The following TM2D1 variants were observed in gnomAD, a reference collection of about 807,000 sequenced individuals.
TM2D1 encodes the protein TM2 domain containing 1.
TM2D1 carries 15 observed loss-of-function variants against 28.4 expected under a neutral mutation model. That is an observed-to-expected ratio of 0.53 (90% CI 0.35 to 0.81). The LOEUF (loss-of-function observed/expected upper bound fraction) is 0.81. TM2D1 is among the 40% of genes least tolerant of loss of function. TM2D1 has a pLI of 0.01. For synonymous variants in TM2D1, 93 were observed against 96.2 expected, an observed-to-expected ratio of 0.97 and a Z score of 0.20; for missense variants, 236 against 254.9, an observed-to-expected ratio of 0.93 and a Z score of 0.50.
chr1:61,707,976 C>T (rs1644452886), intron 3 of TM2D1, among the ~76,000 whole-genome samples: 1 of 152,124 alleles, frequency 6.6e-6, no homozygotes, highest in African/African-American at 2.4e-5. Flanking sequence ...AACACTAAAT[C>T]ATGTTTTTAG....
chr1:61,691,959 ATG>A lies in TM2D1; in HGVS notation c.513+2736_513+2737del, dbSNP rs1306576213. On this transcript the variant is annotated intron_variant, in intron 5 of 6. Transcript: ENST00000606498. The stretch of plus-strand genomic sequence containing the variant: ...TATATATATATATATATATATATAT[ATG>A]TATATATATATGGCACAAAATAATG... Among the ~76,000 whole-genome samples, 46 of 137,380 alleles carry A rather than the reference ATG, an allele frequency of 3.3e-4. 1 individual carries two copies. The highest frequency in any genetic ancestry group is 8.8e-4 in the African/African-American group (34 of 38,514). The allele number at this position is 137,380 out of a possible 152,430, so 90.1% of individuals were successfully genotyped here.
chr1:61,722,155 G>A (rs12753030), intron 2 of TM2D1, among the ~76,000 whole-genome samples: 8,920 of 151,746 alleles, frequency 0.059, 337 homozygotes, highest in East Asian at 0.13. Context: ...GCGTGGTGAC[G>A]CACACCTGTA....
chr1:61,692,148 T>C (rs1644332791), intron 5 of TM2D1, among the ~76,000 whole-genome samples: 1 of 151,444 alleles, frequency 6.6e-6, no homozygotes, highest in Admixed American at 6.6e-5. Context: ...ATGCCATGCA[T>C]CATCATTCAT....
At chr1:61,706,774 A>T (rs1019552079) in intron 3 of TM2D1, among the ~76,000 whole-genome samples, 3 of 150,588 alleles carry the variant, frequency 2.0e-5, no homozygotes, top group Non-Finnish European at 4.4e-5. Context: ...GGTTGCAGTG[A>T]GCCAAGATCA....
chr1:61,696,253 T>TGGG, intron 4 of TM2D1: 1 of 152,298 alleles, frequency 6.6e-6, no homozygotes, highest in East Asian at 1.9e-4. Context: ...TAAAAAAGAA[T>TGGG]ATTGGCCAGG....
chr1:61,691,932 A>ATATATATAT (rs1553140879), intron 5 of TM2D1, among the ~76,000 whole-genome samples: 2 of 76,404 alleles, frequency 2.6e-5, no homozygotes, highest in Non-Finnish European at 5.2e-5. Flanking sequence ...AAAAAAAAAA[A>ATATATATAT]ATATATATAT....
chr1:61,713,500 A>AG (rs1410173418), intron 2 of TM2D1, among the ~76,000 whole-genome samples: 1 of 146,138 alleles, frequency 6.8e-6, no homozygotes, highest in African/African-American at 2.8e-5. Flanking sequence ...AAAAAAAAAA[A>AG]AAAAAAAAAG....
At chr1:61,695,543 T>C (rs1644357859) in intron 4 of TM2D1, among the ~76,000 whole-genome samples, 1 of 152,188 alleles carries the variant, frequency 6.6e-6, no homozygotes, top group African/African-American at 2.4e-5. Flanking sequence ...AGACATCTCA[T>C]ATGAGATATA....
chr1:61,711,621 G>A (rs180802730), intron 2 of TM2D1, among the ~76,000 whole-genome samples: 97 of 140,948 alleles, frequency 6.9e-4, no homozygotes, highest in Middle Eastern at 7.0e-3. Context: ...GAGTGAGACC[G>A]TCTCAAAAAA....
intron 6 of TM2D1, among the ~76,000 whole-genome samples, chr1:61,682,783 C>T (rs956373989): frequency 1.3e-5 from 2 of 151,304 alleles, no homozygotes; most frequent in Non-Finnish European, 2.9e-5. Context: ...GTCCCAGCTA[C>T]TGGGGAGGCT....
At position 61,716,306 on chromosome 1, in the gene TM2D1, A is replaced by G. The variant is rs533767888; in HGVS notation, c.239-6869T>C. Reference sequence around the variant, plus strand: ...TGCACTACAGCCTGGGCGACAGAGTAAGGCCTCTCTCTACTCTCCGCCAAC... The same window carrying G: ...TGCACTACAGCCTGGGCGACAGAGTGAGGCCTCTCTCTACTCTCCGCCAAC... On this transcript the variant is annotated intron_variant, in intron 2 of 6. Transcript: ENST00000606498. 2.5e-3 allele frequency among the ~76,000 whole-genome samples: 382 copies of G among 149,852 alleles called. 3 individuals are homozygous for G. The highest frequency in any genetic ancestry group is 7.1e-3 in the Middle Eastern group (2 of 282).
At chr1:61,691,933 AT>A (rs59522957) in intron 5 of TM2D1, among the ~76,000 whole-genome samples, 34,959 of 82,578 alleles carry the variant, frequency 0.42, 7,263 homozygotes, top group African/African-American at 0.55. Flanking sequence ...AAAAAAAAAA[AT>A]ATATATATAT....
chr1:61,707,741 T>C (rs1050658881), intron 3 of TM2D1, among the ~76,000 whole-genome samples: 1 of 152,094 alleles, frequency 6.6e-6, no homozygotes, highest in Admixed American at 6.5e-5. Flanking sequence ...TGAGGTAGGG[T>C]CAAAAGAAAA....
chr1:61,708,742 C>T (rs1030432695), intron 3 of TM2D1, among the ~76,000 whole-genome samples: 2 of 152,010 alleles, frequency 1.3e-5, no homozygotes, highest in Admixed American at 1.3e-4. Context: ...TTTCATAACT[C>T]AATTAGTGGC....
chr1:61,716,561 TTATATATGTATATAATTTTA>T (rs1320513203), intron 2 of TM2D1, among the ~76,000 whole-genome samples: 10 of 142,828 alleles, frequency 7.0e-5, no homozygotes, highest in South Asian at 2.1e-4. Flanking sequence ...GTATATAATT[TTATATATGTATATAATTTTA>T]TATATATATA....
At chr1:61,723,939 T>C (rs1644586320) in intron 1 of TM2D1, among the ~76,000 whole-genome samples, 153 bp from the exon 2 acceptor site, 1 of 152,220 alleles carries the variant, frequency 6.6e-6, no homozygotes, top group Admixed American at 6.5e-5. Context: ...AAATATACTT[T>C]TAGTATTGCT....
intron 4 of TM2D1, among the ~76,000 whole-genome samples, chr1:61,696,894 G>A (rs537722541): frequency 2.6e-5 from 4 of 151,524 alleles, no homozygotes; most frequent in East Asian, 2.0e-4. Context: ...AAAATGCTTC[G>A]ATTACAGGCC....
At chr1:61,709,572 G>A in intron 2 of TM2D1, 135 bp from the exon 3 acceptor site, 2 of 631,794 alleles carry the variant, frequency 3.2e-6, no homozygotes, top group South Asian at 3.5e-5. Context: ...AATTTTAGGT[G>A]GGAAAAGTGA....
At chr1:61,715,525 G>A (rs74938012) in intron 2 of TM2D1, among the ~76,000 whole-genome samples, 2,699 of 151,168 alleles carry the variant, frequency 0.018, 99 homozygotes, top group African/African-American at 0.06. Context: ...ACCTGCATCC[G>A]TAGTCCCAGC....
Sources: gnomAD v4.1 joint callset for allele counts (sites outside exome capture counted in the v4.1 genomes callset) on GRCh38, gnomAD v4.1.1 for gene constraint, MANE v1.5 for transcripts, NCBI Gene and HGNC (gene_info 2026-07-23, HGNC 2026-07-21) for gene names.